Variants in SNX30 observed in about 807,000 individuals in gnomAD.
SNX30 encodes sorting nexin family member 30.
SNX30 carries 24 observed loss-of-function variants against 46.4 expected under a neutral mutation model. The observed-to-expected ratio is 0.52, with a 90% CI of 0.37 to 0.73. The LOEUF (loss-of-function observed/expected upper bound fraction) is 0.73. SNX30 is among the 30% of genes least tolerant of loss of function. SNX30 has a pLI of 0.00. For missense variants in SNX30, 533 were observed against 555.7 expected, an observed-to-expected ratio of 0.96 and a Z score of 0.41; for synonymous variants, 189 against 211.5, an observed-to-expected ratio of 0.89 and a Z score of 0.92.
chr9:112,852,362 G>A (rs1277467640), intron 7 of SNX30, among the ~76,000 whole-genome samples: 1 of 152,150 alleles, frequency 6.6e-6, no homozygotes, highest in East Asian at 1.9e-4. Flanking sequence ...GGTATTATAA[G>A]TAATCTAGAG....
chr9:112,836,721 C>T (rs1200465840), intron 5 of SNX30, among the ~76,000 whole-genome samples: 1 of 152,206 alleles, frequency 6.6e-6, no homozygotes, highest in African/African-American at 2.4e-5. Flanking sequence ...ACTCAACTGC[C>T]CTTCATCCAT....
intron 2 of SNX30, among the ~76,000 whole-genome samples, chr9:112,807,831 T>C (rs1243747811): frequency 2.6e-5 from 4 of 152,328 alleles, no homozygotes; most frequent in African/African-American, 9.6e-5. Context: ...CCTACCTTTT[T>C]CCCTCTGTGT....
intron 1 of SNX30, among the ~76,000 whole-genome samples, chr9:112,793,411 C>T (rs765981870): frequency 2.0e-5 from 3 of 152,126 alleles, no homozygotes; most frequent in Non-Finnish European, 4.4e-5. Context: ...GGGCGGGGTG[C>T]CCTCTGCTGG....
rs1267645157 is a variant in SNX30 at position 112,870,529 on chromosome 9, G to T, written c.*1686G>T. 6.6e-6 allele frequency: 1 copy of T among 152,216 alleles called. No homozygotes were observed. Among genetic ancestry groups the T allele is most frequent in the Non-Finnish European group, 1.5e-5 (1 of 68,032 alleles). 9.4% of individuals were successfully genotyped at this position (152,216 alleles called of 1,614,324 possible). On this transcript the variant is annotated 3_prime_UTR_variant, in exon 9 of 9. Transcript: ENST00000374232. The stretch of plus-strand genomic sequence containing the variant: ...ATAATGTTTAAATCAATTGGTACTT[G>T]CCTGTAGTGTTAAACCCTATTTGTG...
downstream of SNX30, chr9:112,879,845 A>C: frequency 4.4e-6 from 7 of 1,603,040 alleles, no homozygotes; most frequent in Non-Finnish European, 6.0e-6. Flanking sequence ...ATAGAGAGTT[A>C]CAAGAGAACA....
intron 8 of SNX30, among the ~76,000 whole-genome samples, chr9:112,865,661 A>ATATATATATATATATATATGTGTGTG: frequency 9.5e-6 from 1 of 105,686 alleles, no homozygotes; most frequent in African/African-American, 3.8e-5. Flanking sequence ...ATATATATAT[A>ATATATATATATATATATATGTGTGTG]TGTATGTATG....
chr9:112,838,876 G>A (rs184353754), intron 6 of SNX30, among the ~76,000 whole-genome samples, 179 bp downstream of exon 6: 85 of 152,196 alleles, frequency 5.6e-4, no homozygotes, highest in African/African-American at 2.0e-3. Flanking sequence ...AACGAAGTAC[G>A]TGAATTAAAC....
At chr9:112,824,093 T>G (rs1398477191) in intron 3 of SNX30, among the ~76,000 whole-genome samples, 1 of 152,222 alleles carries the variant, frequency 6.6e-6, no homozygotes, top group Admixed American at 6.5e-5. Flanking sequence ...GACGAGGAAG[T>G]TGGACATTTC....
At chr9:112,766,180 T>C (rs996522615) in intron 1 of SNX30, among the ~76,000 whole-genome samples, 1 of 152,196 alleles carries the variant, frequency 6.6e-6, no homozygotes, top group Non-Finnish European at 1.5e-5. Flanking sequence ...CCAGAACTTA[T>C]TCATCCTGTC....
chr9:112,752,964 T>TC (rs1274837498), intron 1 of SNX30, among the ~76,000 whole-genome samples: 2 of 152,080 alleles, frequency 1.3e-5, no homozygotes, highest in African/African-American at 4.8e-5. Flanking sequence ...AACTGGTTTT[T>TC]CCCCCCAGAG....
chr9:112,832,453 AGAGAGAGTGTGTGT>A (rs1345542068), intron 4 of SNX30, among the ~76,000 whole-genome samples: 14 of 121,400 alleles, frequency 1.2e-4, no homozygotes, highest in Admixed American at 3.5e-4. Context: ...AGAGAGAGAG[AGAGAGAGTGTGTGT>A]GTGTGTGTGT....
At chr9:112,803,998 C>T (rs1274446190) in intron 1 of SNX30, among the ~76,000 whole-genome samples, 2 of 136,380 alleles carry the variant, frequency 1.5e-5, no homozygotes, top group Non-Finnish European at 3.1e-5. Flanking sequence ...CTTCGGCTCG[C>T]GCACGGTGCG....
At chr9:112,780,266 C>G (rs1011170865) in intron 1 of SNX30, among the ~76,000 whole-genome samples, 2 of 152,166 alleles carry the variant, frequency 1.3e-5, no homozygotes, top group East Asian at 3.9e-4. Flanking sequence ...AGCCAAAAGT[C>G]CCTTGGTTAA....
intron 6 of SNX30, among the ~76,000 whole-genome samples, chr9:112,840,974 G>A (rs1262936926): frequency 6.6e-6 from 1 of 151,132 alleles, no homozygotes; most frequent in Non-Finnish European, 1.5e-5. Context: ...GTGTCAGCCA[G>A]GATGGTCTCG....
Position 112,832,457 on chromosome 9 carries a change from A to T in SNX30, c.618+1574A>T, listed in dbSNP as rs748429573. On this transcript the variant is annotated intron_variant, in intron 4 of 8. Transcript: ENST00000374232. ...GAGAGAGAGAGAGAGAGAGAGAGAG[A>T]GAGTGTGTGTGTGTGTGTGTGTGTG... Among the ~76,000 whole-genome samples, 221 of 112,332 alleles carry T rather than the reference A, an allele frequency of 2.0e-3. 1 individual carries two copies. The highest frequency in any genetic ancestry group is 8.8e-3 in the African/African-American group (206 of 23,530). The allele number at this position is 112,332 out of a possible 152,430, so 73.7% of individuals were successfully genotyped here. A position where few individuals can be genotyped will look rare whatever the true frequency, so the allele number is the denominator to read the frequency against.
chr9:112,756,041 A>G (rs1358794793), intron 1 of SNX30, among the ~76,000 whole-genome samples: 3 of 152,164 alleles, frequency 2.0e-5, no homozygotes, highest in Non-Finnish European at 2.9e-5. Context: ...GAATATATAC[A>G]TGAAGTTTAT....
intron 4 of SNX30, among the ~76,000 whole-genome samples, chr9:112,834,843 A>AC (rs1840723275): frequency 1.3e-5 from 1 of 78,414 alleles, no homozygotes; most frequent in Admixed American, 1.2e-4. Context: ...CACACACACA[A>AC]ACACACACAC....
chr9:112,813,576 C>T (rs1053509500), intron 2 of SNX30, among the ~76,000 whole-genome samples: 38 of 149,728 alleles, frequency 2.5e-4, no homozygotes, highest in African/African-American at 8.6e-4. Flanking sequence ...TCAAGCAGTT[C>T]TCCTGCCTCA....
chr9:112,795,010 G>A (rs1310531700), intron 1 of SNX30, among the ~76,000 whole-genome samples: 1 of 152,148 alleles, frequency 6.6e-6, no homozygotes, highest in African/African-American at 2.4e-5. Context: ...AGGCTATTCT[G>A]GATATCCTTT....
Sources: allele counts gnomAD v4.1 joint callset (sites outside exome capture counted in the v4.1 genomes callset), GRCh38; gene constraint gnomAD v4.1.1; transcripts MANE v1.5; gene names NCBI Gene and HGNC (gene_info 2026-07-23, HGNC 2026-07-21).